Variants in REC8 observed in about 807,000 individuals in gnomAD.
The protein encoded by REC8 is meiotic recombination protein REC8 homolog.
REC8 carries 42 observed loss-of-function variants against 78.3 expected under a neutral mutation model. That is an observed-to-expected ratio of 0.54 (90% confidence interval 0.42 to 0.69). REC8 has a LOEUF of 0.69. Ranked by LOEUF, REC8 falls within the 30% of genes least tolerant of loss-of-function variation. The pLI is 0.00. For missense variants in REC8, 581 were observed against 715.8 expected (o/e 0.81, Z 2.15); for synonymous variants, 268 against 274.1 (o/e 0.98, Z 0.22).
downstream of REC8, chr14:24,180,811 G>A: frequency 1.3e-6 from 2 of 1,562,890 alleles, no homozygotes; most frequent in Non-Finnish European, 1.7e-6. Context: ...CCCAGGTCTA[G>A]GAGGGTGGTC....
chr14:24,177,288 C>T, intron 8 of REC8, 65 bp from the exon 9 acceptor site: 1 of 1,613,452 alleles, frequency 6.2e-7, no homozygotes, highest in Non-Finnish European at 8.5e-7. Context: ...CGTGGGCATT[C>T]TGGGACTGGG....
chr14:24,179,425 G>C lies in REC8; in HGVS notation c.1281G>C (p.Glu427Asp). Residue 427 changes from glutamate to aspartate, a missense_variant, in exon 16 of 19, where the codon GAG becomes GAC. Coordinates refer to ENST00000611366, the MANE Select transcript of REC8 (RefSeq NM_001048205.2). ...LEISLEAAEEEKSRISLIPPE... is the reference protein window; with the variant it reads ...LEISLEAAEEDKSRISLIPPE... ...TCTCCCTAGAGGCAGCTGAAGAGGA[G>C]AAGTCCCGCATCAGCCTCATCCCAC... 1 of 1,614,150 alleles carries C rather than the reference G, an allele frequency of 6.2e-7. No homozygotes were observed. The highest frequency in any genetic ancestry group is 1.3e-5 in the African/African-American group (1 of 75,066).
chr14:24,178,177 GA>G lies in REC8; in HGVS notation c.954del (p.Lys318AsnfsTer100). On this transcript the variant is annotated frameshift_variant, in exon 12 of 19. Transcript: ENST00000611366. LOFTEE classifies it high-confidence loss of function. The stretch of plus-strand genomic sequence containing the variant: ...ACAAGGAGACTCAGATCTCCCCGGA[GA>G]AATTCCAGGAACAACTGCAAACCAG... ...WDKETQISPEKFQEQLQTRAH... is the reference protein window; with the variant it reads ...WDKETQISPEXFQEQLQTRAH... 6.2e-7 allele frequency: 1 copy of G among 1,614,074 alleles called. No individual in the cohort carries two copies. The highest frequency in any genetic ancestry group is 8.5e-7 in the Non-Finnish European group (1 of 1,179,970).
chr14:24,172,399 A>G lies in REC8; in HGVS notation c.-154A>G, dbSNP rs989343490. 2 of 691,110 alleles carry G rather than the reference A, an allele frequency of 2.9e-6. No homozygotes were observed. Among genetic ancestry groups the G allele is most frequent in the African/African-American group, 3.6e-5 (2 of 55,352 alleles). 42.8% of individuals were successfully genotyped at this position (691,110 alleles called of 1,614,324 possible). A position where few individuals can be genotyped will look rare whatever the true frequency, so the allele number is the denominator to read the frequency against. On this transcript the variant is annotated 5_prime_UTR_variant, in exon 1 of 19. Transcript: ENST00000611366. ...GTATCTGCCCATTGTTCGTTGCCTCATTAACTTGGCTTTCTAGGTGCACCC... is the reference window on the plus strand; with the variant it reads ...GTATCTGCCCATTGTTCGTTGCCTCGTTAACTTGGCTTTCTAGGTGCACCC...
chr14:24,178,531 C>A, intron 12 of REC8, 75 bp from the exon 13 acceptor site: 1 of 1,454,184 alleles, frequency 6.9e-7, no homozygotes, highest in South Asian at 1.2e-5. Flanking sequence ...CAGAACAGTG[C>A]ATTGCAAAGA....
In REC8 at chr14:24,179,699, A is replaced by G. The variant is rs1422807774; in HGVS notation, c.1424A>G (p.Glu475Gly). The G allele has an allele frequency of 1.9e-6, 3 of 1,614,074 alleles. No individual in the cohort carries two copies. Among genetic ancestry groups the G allele is most frequent in the Non-Finnish European group, 2.5e-6 (3 of 1,180,030 alleles). Residue 475 changes from glutamate (E) to glycine (G), a missense_variant, in exon 17 of 19, where the codon GAG becomes GGG. Transcript: ENST00000611366. ...CCTTTGGTGCTGCCCCCAGAGCTCGAGCTGCTCTCACTGGAAGCAGTGCAC... is the reference window on the plus strand; with the variant it reads ...CCTTTGGTGCTGCCCCCAGAGCTCGGGCTGCTCTCACTGGAAGCAGTGCAC... ...EMPLVLPPELELLSLEAVHRA... is the reference protein window; with the variant it reads ...EMPLVLPPELGLLSLEAVHRA...
intron 5 of REC8, among the ~76,000 whole-genome samples, chr14:24,174,274 G>A (rs994072812): frequency 5.3e-5 from 8 of 151,546 alleles, no homozygotes; most frequent in African/African-American, 1.2e-4. Context: ...GTGAGCCATC[G>A]CGCTGGCCTA....
Position 24,176,809 on chromosome 14 carries a change from C to T in REC8, c.545-13C>T. ...AAGAAGCAGAGAGGCTAGTGACTCT[C>T]TTGTCCCTCCAGAGAGGATTCCGGT... On this transcript the variant is annotated splice_polypyrimidine_tract_variant and intron_variant, in intron 6 of 18. Transcript: ENST00000611366. 6.2e-7 allele frequency: 1 copy of T among 1,608,336 alleles called. No homozygotes were observed. Among genetic ancestry groups the T allele is most frequent in the Non-Finnish European group, 8.5e-7 (1 of 1,175,930 alleles).
rs2039029215 is a variant in REC8 at position 24,178,924 on chromosome 14, C to T, written c.1203+8C>T. On this transcript the variant is annotated splice_region_variant and intron_variant, in intron 14 of 18. Transcript: ENST00000611366. ...GTTCCAAGTGAGATTGAGGTAACTG[C>T]ACCACCTGTTTACTGCATCGCCCCA... The T allele has an allele frequency of 6.2e-7, 1 of 1,612,898 alleles. No individual in the cohort carries two copies. The highest frequency in any genetic ancestry group is 8.5e-7 in the Non-Finnish European group (1 of 1,179,730).
chr14:24,178,137 G>C lies in REC8; in HGVS notation c.911G>C (p.Arg304Pro), dbSNP rs375099298. 240 of 1,613,930 alleles carry C rather than the reference G, an allele frequency of 1.5e-4. No homozygotes were observed. Among genetic ancestry groups the C allele is most frequent in the Non-Finnish European group, 2.0e-4 (232 of 1,179,918 alleles). The change falls in exon 12 of 19, where the codon CGG becomes CCG. Residue 304 changes from arginine to proline, a missense_variant. Coordinates refer to ENST00000611366, the MANE Select transcript of REC8 (RefSeq NM_001048205.2). Reference protein sequence around the residue: ...PPPPRRRRRRRLLFWDKETQI... With the variant: ...PPPPRRRRRRPLLFWDKETQI... Reference sequence around the variant, plus strand: ...CCTCCTCGCCGCCGCCGTCGTCGCCGGTTACTGTTCTGGGACAAGGAGACT... The same window carrying C: ...CCTCCTCGCCGCCGCCGTCGTCGCCCGTTACTGTTCTGGGACAAGGAGACT...
intron 5 of REC8, among the ~76,000 whole-genome samples, chr14:24,174,184 T>A (rs6573596): frequency 0.86 from 130,896 of 152,132 alleles, 56,803 homozygotes; most frequent in East Asian, 1. Context: ...GGGTTTCGCC[T>A]TATCGGCCAG....
intron 9 of REC8, 29 bp from the exon 10 acceptor site, chr14:24,177,428 AAGGGTCTC>A: frequency 6.2e-7 from 1 of 1,614,072 alleles, no homozygotes; most frequent in South Asian, 1.1e-5. Flanking sequence ...CAGTGCTGGG[AAGGGTCTC>A]CTCATTTCTC....
chr14:24,177,404 A>C, intron 9 of REC8, 21 bp downstream of exon 9: 2 of 1,614,012 alleles, frequency 1.2e-6, no homozygotes, highest in Non-Finnish European at 1.7e-6. Context: ...GAACTCCTAG[A>C]CCAGGTAGGG....
In REC8 at chr14:24,178,829, A is replaced by G; in HGVS notation, c.1116A>G (p.Pro372=). Residue 372 remains proline, a synonymous_variant, in exon 14 of 19, where the codon CCA becomes CCG. Transcript: ENST00000611366. ...GTCTCTGGACCCATTGTGCCCAGCC[A>G]CCCCCAAAAGCCCTCAGGCGAGAGC... ...LLGLWTHCAQ[P]PPKALRRELP... is the part of the protein sequence containing the mutation. The G allele has an allele frequency of 6.2e-7, 1 of 1,613,538 alleles. No homozygotes were observed. Among genetic ancestry groups the G allele is most frequent in the Non-Finnish European group, 8.5e-7 (1 of 1,179,942 alleles).
rs201409905 is a variant in REC8, at chr14:24,178,646, C to T, written c.1037C>T (p.Ala346Val). Residue 346 changes from alanine to valine, a missense_variant, in exon 13 of 19, where the codon GCG (alanine) becomes GTG (valine). Ala to Val is a moderately conservative substitution (Grantham distance 64). Coordinates refer to ENST00000611366, the MANE Select transcript of REC8 (RefSeq NM_001048205.2). ...QPPERTIRGP[A>V]ELFRTPTLSG... ...CCCGAGAGGACCATCAGAGGCCCTG[C>T]GGAGTTGTTCAGAACCCCAACTCTC... The T allele has an allele frequency of 2.1e-4, 341 of 1,614,078 alleles. 2 individuals are homozygous for T. Among genetic ancestry groups the T allele is most frequent in the East Asian group, 1.8e-4 (8 of 44,876 alleles).
chr14:24,176,451 C>G (rs773745384), intron 6 of REC8, among the ~76,000 whole-genome samples: 4 of 151,286 alleles, frequency 2.6e-5, no homozygotes, highest in African/African-American at 9.7e-5. Flanking sequence ...TCAAGCAATC[C>G]TCCCACCTCA....
intron 7 of REC8, 29 bp downstream of exon 7, chr14:24,176,930 G>A (rs1381146970): frequency 1.9e-6 from 3 of 1,574,340 alleles, no homozygotes; most frequent in Non-Finnish European, 2.6e-6. Context: ...AGGGCCTGAG[G>A]TCCAGCCCCC....
chr14:24,180,819 G>T, downstream of REC8: 1 of 1,499,826 alleles, frequency 6.7e-7, no homozygotes, highest in Non-Finnish European at 9.2e-7. Context: ...TAGGAGGGTG[G>T]TCAGGACCAA....
intron 5 of REC8, among the ~76,000 whole-genome samples, chr14:24,174,670 CAAT>C (rs1043094083): frequency 6.6e-6 from 1 of 152,158 alleles, no homozygotes; most frequent in Non-Finnish European, 1.5e-5. Flanking sequence ...CCTTATGCCT[CAAT>C]GATGCCACAT....
Sources: gnomAD v4.1 joint callset for allele counts (sites outside exome capture counted in the v4.1 genomes callset) on GRCh38, gnomAD v4.1.1 for gene constraint, MANE v1.5 for transcripts, NCBI Gene and HGNC (gene_info 2026-07-23, HGNC 2026-07-21) for gene names.